Variants in RAB6A observed in about 807,000 individuals in gnomAD.
RAB6A encodes ras-related protein Rab-6A.
In RAB6A, 8 loss-of-function variants were observed where a neutral mutation model predicts 32.3. The ratio of observed to expected loss-of-function variants is 0.25; its 90% CI spans 0.15 to 0.45. The LOEUF is 0.45. RAB6A is among the 20% of genes least tolerant of loss of function. The pLI is 1.00. For synonymous variants in RAB6A, 73 were observed against 82.1 expected, an observed-to-expected ratio of 0.89 and a Z score of 0.60; for missense variants, 104 against 249.4, an observed-to-expected ratio of 0.42 and a Z score of 3.93.
intron 1 of RAB6A, among the ~76,000 whole-genome samples, chr11:73,734,190 A>T (rs775493021): frequency 1.3e-5 from 2 of 152,158 alleles, no homozygotes; most frequent in East Asian, 3.9e-4. Flanking sequence ...CAGTGACACG[A>T]TATCAGCTCA....
chr11:73,727,615 C>T (rs1455281949), intron 2 of RAB6A, among the ~76,000 whole-genome samples: 1 of 152,080 alleles, frequency 6.6e-6, no homozygotes, highest in Admixed American at 6.6e-5. Flanking sequence ...CTCTAAGGCT[C>T]ATTACATAGC....
chr11:73,755,950 CAAT>C (rs1474990469), intron 1 of RAB6A, among the ~76,000 whole-genome samples: 3 of 151,886 alleles, frequency 2.0e-5, no homozygotes, highest in South Asian at 2.1e-4. Context: ...AGAAGAACAA[CAAT>C]AACAACTACA....
At chr11:73,710,746 A>C (rs1399228387) in intron 5 of RAB6A, among the ~76,000 whole-genome samples, 1 of 151,950 alleles carries the variant, frequency 6.6e-6, no homozygotes, top group Non-Finnish European at 1.5e-5. Context: ...TGAAAAAAAA[A>C]AAGTTAATTT....
intron 1 of RAB6A, among the ~76,000 whole-genome samples, chr11:73,753,412 G>A (rs966126528): frequency 2.0e-5 from 3 of 151,820 alleles, no homozygotes; most frequent in African/African-American, 4.8e-5. Flanking sequence ...GGCCAGGCTA[G>A]TCTCCAACTC....
intron 2 of RAB6A, among the ~76,000 whole-genome samples, chr11:73,724,917 T>C (rs1946193910): frequency 6.6e-6 from 1 of 152,216 alleles, no homozygotes; most frequent in Non-Finnish European, 1.5e-5. Context: ...TGCAGTATGC[T>C]ATATACCCAG....
rs1389085059 is a variant in RAB6A at position 73,739,280 on chromosome 11, A to ATACATATATATATATATAT, written c.71-8458_71-8457insATATATATATATATATGTA. ...ATAATAATTAAAAAAAAAAAAAAAA[A>ATACATATATATATATATAT]AAAAATATATATATATATATATATA... On this transcript the variant is annotated intron_variant, in intron 1 of 7. Transcript: ENST00000336083. Among the ~76,000 whole-genome samples, 49 of 18,404 alleles carry ATACATATATATATATATAT rather than the reference A, an allele frequency of 2.7e-3. 1 individual carries two copies. The highest frequency in any genetic ancestry group is 5.6e-3 in the African/African-American group (47 of 8,380). The allele number at this position is 18,404 out of a possible 152,430, so 12.1% of individuals were successfully genotyped here.
chr11:73,692,062 T>C (rs1238124790), intron 6 of RAB6A, among the ~76,000 whole-genome samples: 2 of 152,154 alleles, frequency 1.3e-5, no homozygotes, highest in East Asian at 1.9e-4. Flanking sequence ...TGAACGTTAA[T>C]TGTCAGATTA....
At chr11:73,717,967 A>C (rs899081061) in intron 4 of RAB6A, among the ~76,000 whole-genome samples, 1 of 152,242 alleles carries the variant, frequency 6.6e-6, no homozygotes, top group African/African-American at 2.4e-5. Context: ...GGCCACAGGC[A>C]TTATTCAATC....
At chr11:73,732,930 A>T (rs1367037431) in intron 1 of RAB6A, among the ~76,000 whole-genome samples, 1 of 151,668 alleles carries the variant, frequency 6.6e-6, no homozygotes, top group Admixed American at 6.6e-5. Context: ...CTCCTGTCTC[A>T]GCCTCCCGAG....
chr11:73,685,588 G>GAAAGTCTTTTTTTTTTTTTTTT lies in RAB6A; in HGVS notation c.496-5869_496-5868insAAAAAAAAAAAAAAAAGACTTT, dbSNP rs1555054176. On this transcript the variant is annotated intron_variant, in intron 6 of 7. Transcript: ENST00000336083. ...AAGTGTGAGCCACCACGCCCGGACT[G>GAAAGTCTTTTTTTTTTTTTTTT]AAAGTAGCGACCAGGTGCGGTGCCT... Among the ~76,000 whole-genome samples, 6 of 89,568 alleles carry GAAAGTCTTTTTTTTTTTTTTTT rather than the reference G, an allele frequency of 6.7e-5. 1 individual carries two copies. The highest frequency in any genetic ancestry group is 6.1e-3 in the Middle Eastern group (1 of 164). 58.8% of individuals were successfully genotyped at this position (89,568 alleles called of 152,430 possible). A position where few individuals can be genotyped will look rare whatever the true frequency, so the allele number is the denominator to read the frequency against.
chr11:73,733,744 A>G (rs1228822902), intron 1 of RAB6A, among the ~76,000 whole-genome samples: 1 of 152,014 alleles, frequency 6.6e-6, no homozygotes, highest in Non-Finnish European at 1.5e-5. Flanking sequence ...TTCTATTTAT[A>G]TGACGTTCAA....
intron 6 of RAB6A, among the ~76,000 whole-genome samples, chr11:73,698,271 A>C (rs1945685236): frequency 6.6e-6 from 1 of 152,200 alleles, no homozygotes; most frequent in African/African-American, 2.4e-5. Context: ...TAAGGATATG[A>C]AACACAAAAG....
At chr11:73,737,412 G>A (rs1379217589) in intron 1 of RAB6A, among the ~76,000 whole-genome samples, 1 of 152,140 alleles carries the variant, frequency 6.6e-6, no homozygotes, top group Non-Finnish European at 1.5e-5. Context: ...GAACCTAGGA[G>A]TTTGAGGCTG....
At chr11:73,718,317 C>T (rs1488009740) in intron 4 of RAB6A, among the ~76,000 whole-genome samples, 2 of 152,082 alleles carry the variant, frequency 1.3e-5, no homozygotes, top group Non-Finnish European at 2.9e-5. Context: ...GGAAACATTC[C>T]TCCAACTATA....
chr11:73,714,380 G>A (rs1946019967), intron 5 of RAB6A, among the ~76,000 whole-genome samples: 1 of 151,828 alleles, frequency 6.6e-6, no homozygotes, highest in Non-Finnish European at 1.5e-5. Context: ...AAAATGAAGA[G>A]GCCGGGCGCG....
chr11:73,677,726 T>C lies in RAB6A; in HGVS notation c.*172A>G, dbSNP rs182003499. 10 of 1,442,208 alleles carry C rather than the reference T, an allele frequency of 6.9e-6. No homozygotes were observed. In the East Asian group the frequency reaches 1.6e-4, roughly 24 times the overall value. 89.3% of individuals were successfully genotyped at this position (1,442,208 alleles called of 1,614,324 possible). A position where few individuals can be genotyped will look rare whatever the true frequency, so the allele number is the denominator to read the frequency against. ...TAAATAATGAAGACACTGACTTTTG[T>C]TGTGCTTGTGAAGCTAATAGATCAT... On this transcript the variant is annotated 3_prime_UTR_variant, in exon 8 of 8. Transcript: ENST00000336083.
chr11:73,715,455 G>A (rs1163121385), intron 5 of RAB6A, among the ~76,000 whole-genome samples: 1 of 152,196 alleles, frequency 6.6e-6, no homozygotes, highest in Admixed American at 6.6e-5. Context: ...GGTGCCATGT[G>A]CAGAAATGGG....
intron 1 of RAB6A, among the ~76,000 whole-genome samples, chr11:73,759,008 A>G (rs1396421587): frequency 6.6e-6 from 1 of 152,194 alleles, no homozygotes; most frequent in Non-Finnish European, 1.5e-5. Context: ...TACACATGAA[A>G]GGAGAAAAAT....
chr11:73,695,939 T>A (rs1410249090), intron 6 of RAB6A, among the ~76,000 whole-genome samples: 1 of 152,178 alleles, frequency 6.6e-6, no homozygotes, highest in Non-Finnish European at 1.5e-5. Context: ...AAAATTTTTT[T>A]AGGGATAATT....
Sources: allele counts gnomAD v4.1 joint callset (sites outside exome capture counted in the v4.1 genomes callset), GRCh38; gene constraint gnomAD v4.1.1; transcripts MANE v1.5; gene names NCBI Gene and HGNC (gene_info 2026-07-23, HGNC 2026-07-21).